Variants in DPP6 observed in about 807,000 individuals in gnomAD.
DPP6 encodes the protein dipeptidyl peptidase like 6.
In DPP6, 69 loss-of-function variants were observed where a neutral mutation model predicts 122.6. The ratio of observed to expected loss-of-function variants is 0.56; its 90% CI spans 0.46 to 0.69. The LOEUF (loss-of-function observed/expected upper bound fraction) is 0.69. Ranked by LOEUF, DPP6 falls within the 30% of genes least tolerant of loss-of-function variation. The pLI, the probability that DPP6 is intolerant of heterozygous loss-of-function variation, is 0.00. For missense variants in DPP6, 928 were observed against 1,116.9 expected, an observed-to-expected ratio of 0.83 and a Z score of 2.41; for synonymous variants, 418 against 433.1, an observed-to-expected ratio of 0.97 and a Z score of 0.43.
intron 1 of DPP6, among the ~76,000 whole-genome samples, chr7:154,059,852 G>C (rs1801420550): frequency 6.6e-6 from 1 of 151,208 alleles, no homozygotes; most frequent in African/African-American, 2.5e-5. Flanking sequence ...GGTTGCTAAA[G>C]GATGGCCCCC....
rs1013808362 is a variant in DPP6 at position 154,600,877 on chromosome 7, A to C, written c.627+33961A>C. On this transcript the variant is annotated intron_variant, in intron 5 of 25. Coordinates refer to ENST00000377770, the MANE Select transcript of DPP6 (RefSeq NM_130797.4). ...GAGGCTGAGGCAGGTGGATCACCTGAGGTCAGGAGTTTGAGACCAGCCTGA... is the reference window on the plus strand; with the variant it reads ...GAGGCTGAGGCAGGTGGATCACCTGCGGTCAGGAGTTTGAGACCAGCCTGA... Among the ~76,000 whole-genome samples, 24 of 120,314 alleles carry C rather than the reference A, an allele frequency of 2.0e-4. 5 individuals are homozygous for C. Among genetic ancestry groups the C allele is most frequent in the African/African-American group, 6.3e-4 (24 of 37,796 alleles). 78.9% of individuals were successfully genotyped at this position (120,314 alleles called of 152,430 possible). A position where few individuals can be genotyped will look rare whatever the true frequency, so the allele number is the denominator to read the frequency against.
At chr7:154,870,211 C>T (rs1055790453) in intron 18 of DPP6, among the ~76,000 whole-genome samples, 59 of 144,766 alleles carry the variant, frequency 4.1e-4, no homozygotes, top group African/African-American at 6.9e-4. Flanking sequence ...TCTTGAACTA[C>T]GGGGCTCAAG....
chr7:154,174,458 G>A (rs1797693778), intron 1 of DPP6, among the ~76,000 whole-genome samples: 1 of 152,220 alleles, frequency 6.6e-6, no homozygotes, highest in Admixed American at 6.5e-5. Context: ...ACATTTTTAT[G>A]CTGGAAATAC....
intron 1 of DPP6, among the ~76,000 whole-genome samples, chr7:154,155,868 G>T (rs62487211): frequency 0.073 from 11,125 of 152,196 alleles, 476 homozygotes; most frequent in Middle Eastern, 0.14. Flanking sequence ...GGCTTTAAAT[G>T]TTCACTTAAA....
chr7:153,981,354 G>C (rs1015469538), intron 1 of DPP6, among the ~76,000 whole-genome samples: 1 of 151,994 alleles, frequency 6.6e-6, no homozygotes, highest in African/African-American at 2.4e-5. Context: ...TTTTATCAGA[G>C]ACTACTGCAA....
chr7:154,286,720 T>C (rs1355263927), intron 1 of DPP6, among the ~76,000 whole-genome samples: 1 of 151,870 alleles, frequency 6.6e-6, no homozygotes, highest in African/African-American at 2.4e-5. Flanking sequence ...CAGCTCCAGC[T>C]CTTCTCCCCT....
At chr7:154,805,230 G>A (rs1404373474) in intron 15 of DPP6, among the ~76,000 whole-genome samples, 1 of 152,182 alleles carries the variant, frequency 6.6e-6, no homozygotes, top group African/African-American at 2.4e-5. Flanking sequence ...CTAACGGATG[G>A]ACTTTAACCC....
intron 1 of DPP6, among the ~76,000 whole-genome samples, chr7:154,324,371 C>T (rs1808238283): frequency 6.6e-6 from 1 of 152,154 alleles, no homozygotes; most frequent in Non-Finnish European, 1.5e-5. Context: ...TGCACTTCTG[C>T]CCCTTCCATG....
At chr7:153,766,885 T>C in the DPP6 span, among the ~76,000 whole-genome samples, 1 of 152,168 alleles carries the variant, frequency 6.6e-6, no homozygotes, top group African/African-American at 2.4e-5. Context: ...CGTCTTCTTC[T>C]CTTTAAGGTA....
chr7:154,725,028 C>T (rs1402779847), intron 7 of DPP6, among the ~76,000 whole-genome samples: 1 of 152,082 alleles, frequency 6.6e-6, no homozygotes, highest in Non-Finnish European at 1.5e-5. Context: ...TTTTGTGTTT[C>T]CAGAACTCCA....
chr7:154,167,391 G>A (rs1797308393), intron 1 of DPP6, among the ~76,000 whole-genome samples: 1 of 152,218 alleles, frequency 6.6e-6, no homozygotes, highest in African/African-American at 2.4e-5. Flanking sequence ...AGAGCTATAG[G>A]TGCTGGGTGA....
intron 16 of DPP6, among the ~76,000 whole-genome samples, chr7:154,820,870 G>A (rs1411571421): frequency 2.0e-5 from 3 of 152,128 alleles, no homozygotes; most frequent in Admixed American, 6.5e-5. Flanking sequence ...AAGATCTAAC[G>A]ATACATACCT....
At chr7:154,529,853 T>C (rs1407364364) in intron 3 of DPP6, among the ~76,000 whole-genome samples, 2 of 151,444 alleles carry the variant, frequency 1.3e-5, no homozygotes, top group African/African-American at 4.9e-5. Flanking sequence ...AGGCTGGGAG[T>C]GGTGGTTCAT....
At position 154,486,525 on chromosome 7, in the gene DPP6, G is replaced by A. The variant is rs905141745; in HGVS notation, c.457+11488G>A. Among the ~76,000 whole-genome samples, 1 of 152,140 alleles carries A rather than the reference G, an allele frequency of 6.6e-6. No individual in the cohort carries two copies. Among genetic ancestry groups the A allele is most frequent in the Non-Finnish European group, 1.5e-5 (1 of 68,026 alleles). ...CTTCTCTTTTTCTGAAAATACCGTTGCTCATCACTTCTCTGCTTCAGAAAG... is the reference window on the plus strand; with the variant it reads ...CTTCTCTTTTTCTGAAAATACCGTTACTCATCACTTCTCTGCTTCAGAAAG... On this transcript the variant is annotated intron_variant, in intron 3 of 25. Coordinates refer to ENST00000377770, the MANE Select transcript of DPP6 (RefSeq NM_130797.4). This position sits in a 1 kb window ranked among gnomAD's most constrained non-coding sequence, Gnocchi z 4.5.
chr7:154,822,055 C>A (rs1255361981), intron 16 of DPP6, among the ~76,000 whole-genome samples: 1 of 152,100 alleles, frequency 6.6e-6, no homozygotes, highest in East Asian at 1.9e-4. Context: ...ACCTCATAAA[C>A]TTTCTCTGGT....
At chr7:153,787,379 G>A in the DPP6 span, among the ~76,000 whole-genome samples, 816 of 147,586 alleles carry the variant, frequency 5.5e-3, 11 homozygotes, top group African/African-American at 8.7e-3. Flanking sequence ...CCTAACAGTC[G>A]TTCTCCAGAG....
chr7:154,750,280 G>A (rs941827576), intron 8 of DPP6, among the ~76,000 whole-genome samples: 6 of 152,150 alleles, frequency 3.9e-5, no homozygotes, highest in Non-Finnish European at 7.4e-5. Context: ...AGCGGGAGTC[G>A]CAGCCTATTG....
intron 4 of DPP6, among the ~76,000 whole-genome samples, chr7:154,563,601 C>T (rs1483578379): frequency 2.6e-5 from 4 of 152,078 alleles, no homozygotes; most frequent in African/African-American, 9.7e-5. Flanking sequence ...ATTTTCTGAC[C>T]ACCTAGATGT....
chr7:154,637,821 A>T lies in DPP6; in HGVS notation c.628A>T (p.Ile210Leu), dbSNP rs1586784410. The T allele has an allele frequency of 2.5e-6, 4 of 1,577,862 alleles. No individual in the cohort carries two copies. Among genetic ancestry groups the T allele is most frequent in the Non-Finnish European group, 3.4e-6 (4 of 1,160,426 alleles). ...CTTTTTTCCTTTTTGTCTGTTGCAGATATATCAACACTCGTATACTGGATA... is the reference window on the plus strand; with the variant it reads ...CTTTTTTCCTTTTTGTCTGTTGCAGTTATATCAACACTCGTATACTGGATA... Reference protein sequence around the residue: ...YALFSYNVEPIYQHSYTGYYV... With the variant: ...YALFSYNVEPLYQHSYTGYYV... The change falls in exon 6 of 26, where the codon ATA becomes TTA. Residue 210 changes from isoleucine to leucine, a missense_variant and splice_region_variant. Coordinates refer to ENST00000377770, the MANE Select transcript of DPP6 (RefSeq NM_130797.4).
Sources: gnomAD v4.1 joint callset for allele counts (sites outside exome capture counted in the v4.1 genomes callset) on GRCh38, gnomAD v4.1.1 for gene constraint, Gnocchi (gnomAD v3.1) non-coding constraint, MANE v1.5 for transcripts, NCBI Gene and HGNC (gene_info 2026-07-23, HGNC 2026-07-21) for gene names.